Variants in RSBN1L observed in about 807,000 individuals in gnomAD.
RSBN1L encodes round spermatid basic protein 1 like, also known as lysine-specific demethylase RSBN1L.
In RSBN1L, 30 loss-of-function variants were observed where a neutral mutation model predicts 67.7. The observed-to-expected ratio is 0.44, with a 90% CI of 0.33 to 0.60. The LOEUF is 0.60. Among genes scored for constraint, RSBN1L ranks in the 20% least tolerant of loss-of-function variants. The pLI is 0.02. For synonymous variants in RSBN1L, 433 were observed against 387.0 expected, an observed-to-expected ratio of 1.12 and a Z score of -1.39; for missense variants, 992 against 1,031.7, an observed-to-expected ratio of 0.96 and a Z score of 0.53.
At chr7:77,717,150 GAT>G (rs1230617855) in intron 1 of RSBN1L, among the ~76,000 whole-genome samples, 1 of 151,250 alleles carries the variant, frequency 6.6e-6, no homozygotes, top group Non-Finnish European at 1.5e-5. Flanking sequence ...TTTTTGTAGA[GAT>G]AGTCTTGCCA....
chr7:77,702,398 G>A (rs1215020202), intron 1 of RSBN1L, among the ~76,000 whole-genome samples: 1 of 152,106 alleles, frequency 6.6e-6, no homozygotes, highest in African/African-American at 2.4e-5. Context: ...CTTCTTTGAG[G>A]TGTTCTTCTG....
chr7:77,697,095 G>C (rs1379068231), intron 1 of RSBN1L, 40 bp downstream of exon 1: 1 of 1,337,526 alleles, frequency 7.5e-7, no homozygotes, highest in Non-Finnish European at 9.5e-7. Context: ...GGGCGCCGTG[G>C]GTCCCCGCCG....
intron 1 of RSBN1L, among the ~76,000 whole-genome samples, chr7:77,698,674 T>C (rs1790772899): frequency 6.6e-6 from 1 of 152,206 alleles, no homozygotes; most frequent in South Asian, 2.1e-4. Context: ...CTTTTGAGGG[T>C]TAACACTAAT....
intron 1 of RSBN1L, among the ~76,000 whole-genome samples, chr7:77,723,456 A>C (rs1189181211): frequency 6.6e-6 from 1 of 152,084 alleles, no homozygotes; most frequent in East Asian, 1.9e-4. Flanking sequence ...ATACATATAT[A>C]ATTTATTTTT....
chr7:77,762,949 C>T (rs955695191), intron 3 of RSBN1L, among the ~76,000 whole-genome samples: 5 of 151,976 alleles, frequency 3.3e-5, no homozygotes, highest in African/African-American at 1.2e-4. Flanking sequence ...TCATCCCCTC[C>T]GCACAAGATA....
At chr7:77,710,592 T>C (rs79447828) in intron 1 of RSBN1L, among the ~76,000 whole-genome samples, 2,198 of 151,594 alleles carry the variant, frequency 0.014, 56 homozygotes, top group African/African-American at 0.05. Context: ...CTTCATTTTC[T>C]TGTTTGTTTT....
At chr7:77,768,040 G>A (rs915763337) in intron 4 of RSBN1L, among the ~76,000 whole-genome samples, 3 of 150,546 alleles carry the variant, frequency 2.0e-5, no homozygotes, top group African/African-American at 7.4e-5. Context: ...GTAGAGACGG[G>A]GTTTCACCGT....
rs541556382 is a variant in RSBN1L at position 77,747,670 on chromosome 7, A to G, written c.704-1754A>G. Among the ~76,000 whole-genome samples the G allele has an allele frequency of 2.0e-5, 3 of 152,356 alleles. No homozygotes were observed. In the East Asian group the frequency reaches 5.8e-4, roughly 29 times the overall value. On this transcript the variant is annotated intron_variant, in intron 2 of 7. Transcript: ENST00000334955. ...GGAAACACCTGGATGTTCAGGCAGAAGCCTGCTAAAGGAATGGAGCTCTCA... is the reference window on the plus strand; with the variant it reads ...GGAAACACCTGGATGTTCAGGCAGAGGCCTGCTAAAGGAATGGAGCTCTCA...
At chr7:77,746,342 A>G (rs751718932) in intron 2 of RSBN1L, among the ~76,000 whole-genome samples, 3 of 152,122 alleles carry the variant, frequency 2.0e-5, no homozygotes, top group Non-Finnish European at 4.4e-5. Context: ...CCAGAGCAGG[A>G]GAGAGGTGGT....
At chr7:77,725,265 T>TTTTTTTTTTTTTTTTTTTA (rs1791184148) in intron 1 of RSBN1L, among the ~76,000 whole-genome samples, 1 of 141,540 alleles carries the variant, frequency 7.1e-6, no homozygotes, top group Non-Finnish European at 1.5e-5. Context: ...TTTTTTTTTT[T>TTTTTTTTTTTTTTTTTTTA]GAGATGGAAT....
intron 1 of RSBN1L, among the ~76,000 whole-genome samples, chr7:77,725,245 T>A (rs1412986150): frequency 1.9e-4 from 14 of 73,286 alleles, no homozygotes; most frequent in African/African-American, 1.2e-3. Flanking sequence ...AGCCCCCCAC[T>A]TTTTTTTTTT....
intron 3 of RSBN1L, among the ~76,000 whole-genome samples, chr7:77,753,407 A>G (rs1345985946): frequency 6.6e-6 from 1 of 152,150 alleles, no homozygotes; most frequent in Non-Finnish European, 1.5e-5. Context: ...TATGATTATT[A>G]TCCAGTTGAA....
chr7:77,754,968 A>G (rs914439122), intron 3 of RSBN1L, among the ~76,000 whole-genome samples: 5 of 151,704 alleles, frequency 3.3e-5, no homozygotes, highest in Admixed American at 2.0e-4. Context: ...TTATTAGAAT[A>G]TAGTGAATAT....
At chr7:77,778,501 T>C in intron 7 of RSBN1L, 29 bp from the exon 8 acceptor site, 1 of 1,596,294 alleles carries the variant, frequency 6.3e-7, no homozygotes, top group Non-Finnish European at 8.5e-7. Flanking sequence ...AAGAGAGTTA[T>C]TTGTATTTCT....
chr7:77,717,144 T>C (rs1791059603), intron 1 of RSBN1L, among the ~76,000 whole-genome samples: 1 of 151,840 alleles, frequency 6.6e-6, no homozygotes, highest in African/African-American at 2.4e-5. Context: ...TTTTATTTTT[T>C]GTAGAGATAG....
chr7:77,703,850 C>T (rs58681415), intron 1 of RSBN1L, among the ~76,000 whole-genome samples: 17,538 of 152,018 alleles, frequency 0.12, 1,530 homozygotes, highest in African/African-American at 0.24. Context: ...AATGCAGTGG[C>T]ACAATCATAG....
At chr7:77,776,894 T>C (rs917496528) in intron 6 of RSBN1L, among the ~76,000 whole-genome samples, 6 of 151,990 alleles carry the variant, frequency 3.9e-5, no homozygotes, top group Admixed American at 3.9e-4. Context: ...ATTTAGATTA[T>C]TTATATTTAA....
chr7:77,702,503 A>C (rs1464563879), intron 1 of RSBN1L, among the ~76,000 whole-genome samples: 2 of 151,948 alleles, frequency 1.3e-5, no homozygotes, highest in African/African-American at 4.8e-5. Flanking sequence ...TGTGATCATG[A>C]GCAAGGTTAA....
At chr7:77,774,735 T>G (rs889775350) in intron 6 of RSBN1L, among the ~76,000 whole-genome samples, 2 of 152,210 alleles carry the variant, frequency 1.3e-5, no homozygotes, top group African/African-American at 4.8e-5. Flanking sequence ...CAAAACTCCG[T>G]CCCACCACCA....
Sources: allele counts gnomAD v4.1 joint callset (sites outside exome capture counted in the v4.1 genomes callset), GRCh38; gene constraint gnomAD v4.1.1; transcripts MANE v1.5; gene names NCBI Gene and HGNC (gene_info 2026-07-23, HGNC 2026-07-21).